The following TRAPPC8 variants were observed in gnomAD, a reference collection of about 807,000 sequenced individuals.
TRAPPC8 encodes the protein trafficking protein particle complex subunit 8, also known as general sporulation gene 1 homolog.
In TRAPPC8, 54 loss-of-function variants were observed where a neutral mutation model predicts 174.3. The observed-to-expected ratio is 0.31, with a 90% confidence interval of 0.25 to 0.39. The LOEUF is 0.39. Among genes scored for constraint, TRAPPC8 ranks in the 10% least tolerant of loss-of-function variants. TRAPPC8 has a pLI of 1.00. For synonymous variants in TRAPPC8, 630 were observed against 579.9 expected (o/e 1.09, Z -1.24); for missense variants, 1,531 against 1,699.1 (o/e 0.90, Z 1.74).
At chr18:31,893,837 C>T (rs1406194999) in intron 11 of TRAPPC8, among the ~76,000 whole-genome samples, 1 of 151,694 alleles carries the variant, frequency 6.6e-6, no homozygotes, top group East Asian at 1.9e-4. Context: ...CATACACACA[C>T]ACGAAAAAAT....
At chr18:31,875,419 T>A (rs2035095274) in intron 12 of TRAPPC8, among the ~76,000 whole-genome samples, 1 of 151,906 alleles carries the variant, frequency 6.6e-6, no homozygotes, top group African/African-American at 2.4e-5. Context: ...CCAGCCTGCC[T>A]GCCTGCCTGC....
chr18:31,905,218 A>G (rs143123178), intron 9 of TRAPPC8, among the ~76,000 whole-genome samples: 8 of 152,300 alleles, frequency 5.3e-5, no homozygotes, highest in South Asian at 4.1e-4. Context: ...AAGGGAAGTG[A>G]TATCAGTTCA....
At chr18:31,843,585 G>C (rs1194476807) in intron 26 of TRAPPC8, among the ~76,000 whole-genome samples, 1 of 152,180 alleles carries the variant, frequency 6.6e-6, no homozygotes, top group African/African-American at 2.4e-5. Context: ...GTATGACTGA[G>C]CCACTCATAT....
At position 31,857,650 on chromosome 18, in the gene TRAPPC8, G is replaced by A. The variant is rs61735999; in HGVS notation, c.3078C>T (p.Pro1026=). 12 of 1,613,968 alleles carry A rather than the reference G, an allele frequency of 7.4e-6. No individual in the cohort carries two copies. In the African/African-American group the frequency reaches 1.3e-4, roughly 18 times the overall value. The change falls in exon 20 of 29, where the codon CCC becomes CCT. Residue 1026 remains proline (P), a synonymous_variant. Transcript: ENST00000283351. ...ACATTGGCAGCTGCACTGAGGCTCC[G>A]GGTAGAAGAACAGTGTCAGGAAGGG... The part of the protein sequence containing the change: ...PVPLPDTVLL[P]GASVQLPMWL...
intron 9 of TRAPPC8, among the ~76,000 whole-genome samples, chr18:31,904,785 T>G (rs1419866327): frequency 6.6e-6 from 1 of 152,170 alleles, no homozygotes; most frequent in Admixed American, 6.5e-5. Context: ...ATTCTAGCAC[T>G]TTGGGAGGCT....
At chr18:31,893,201 AT>A (rs2036035114) in intron 11 of TRAPPC8, among the ~76,000 whole-genome samples, 1 of 152,058 alleles carries the variant, frequency 6.6e-6, no homozygotes, top group Non-Finnish European at 1.5e-5. Flanking sequence ...TGCTCTTAAT[AT>A]TGGTCCTTTG....
intron 18 of TRAPPC8, among the ~76,000 whole-genome samples, chr18:31,865,829 A>G (rs969638365): frequency 3.6e-4 from 54 of 151,360 alleles, no homozygotes; most frequent in African/African-American, 1.3e-3. Context: ...TAAATTATAT[A>G]AATTATAAAT....
intron 9 of TRAPPC8, among the ~76,000 whole-genome samples, chr18:31,901,830 G>A (rs2036440253): frequency 6.6e-6 from 1 of 152,224 alleles, no homozygotes. Context: ...AATGTTGTGT[G>A]GCAGTGTGAG....
intron 2 of TRAPPC8, among the ~76,000 whole-genome samples, chr18:31,922,053 G>C (rs1371383157): frequency 6.6e-6 from 1 of 152,040 alleles, no homozygotes; most frequent in Non-Finnish European, 1.5e-5. Flanking sequence ...AGTACTAAAA[G>C]AGTAACTGTA....
chr18:31,920,752 C>T (rs2037349341), intron 2 of TRAPPC8, among the ~76,000 whole-genome samples: 1 of 151,892 alleles, frequency 6.6e-6, no homozygotes. Flanking sequence ...TCAGCCTCGA[C>T]CAACATGGTA....
chr18:31,839,582 T>G, intron 26 of TRAPPC8, 125 bp from the exon 27 acceptor site: 1 of 830,944 alleles, frequency 1.2e-6, no homozygotes, highest in Non-Finnish European at 1.7e-6. Context: ...AACAGTACTT[T>G]TCTGCTGTTA....
chr18:31,901,720 T>C (rs2036435784), intron 9 of TRAPPC8, among the ~76,000 whole-genome samples: 1 of 152,216 alleles, frequency 6.6e-6, no homozygotes. Context: ...CTAAGATTTG[T>C]TTAGACCCCA....
chr18:31,898,155 A>G (rs1348674167), intron 10 of TRAPPC8, among the ~76,000 whole-genome samples: 1 of 152,162 alleles, frequency 6.6e-6, no homozygotes, highest in Non-Finnish European at 1.5e-5. Context: ...CAATGTAAAT[A>G]CTATGTAAAT....
chr18:31,876,945 CTT>C (rs1437136744), intron 12 of TRAPPC8, among the ~76,000 whole-genome samples: 1 of 152,176 alleles, frequency 6.6e-6, no homozygotes, highest in African/African-American at 2.4e-5. Flanking sequence ...AATCTCTGCT[CTT>C]GAGTCACCAC....
At chr18:31,848,025 C>T (rs2033500605) in intron 25 of TRAPPC8, among the ~76,000 whole-genome samples, 1 of 152,082 alleles carries the variant, frequency 6.6e-6, no homozygotes, top group Admixed American at 6.6e-5. Flanking sequence ...TACTCTACAA[C>T]TTTAATGACT....
At chr18:31,913,324 G>A in intron 5 of TRAPPC8, 45 bp downstream of exon 5, 1 of 1,520,926 alleles carries the variant, frequency 6.6e-7, no homozygotes. Context: ...CGTAAAAACT[G>A]AAGTATCGTT....
At position 31,942,440 on chromosome 18, in the gene TRAPPC8, G is replaced by T. The variant is rs979594389; in HGVS notation, c.157+168C>A. On this transcript the variant is annotated intron_variant, in intron 1 of 28. Transcript: ENST00000283351. ...GACTGCGCTGTCTTGACAACCTCACGGTCCCTCCTCCAGCCGCCCCCGGAG... is the reference window on the plus strand; with the variant it reads ...GACTGCGCTGTCTTGACAACCTCACTGTCCCTCCTCCAGCCGCCCCCGGAG... 1.6e-5 allele frequency: 13 copies of T among 817,018 alleles called. No individual in the cohort carries two copies. The East Asian group carries it at 4.2e-4, about 26-fold the overall frequency. 50.6% of individuals were successfully genotyped at this position (817,018 alleles called of 1,614,324 possible). A position where few individuals can be genotyped will look rare whatever the true frequency, so the allele number is the denominator to read the frequency against.
Position 31,909,735 on chromosome 18 carries a change from G to C in TRAPPC8, c.797C>G (p.Thr266Ser). Reference protein sequence around the residue: ...NQESYEDGPCTITSNKNSDNN... With the variant: ...NQESYEDGPCSITSNKNSDNN... ...ATCAGAATTCTTATTTGAAGTTATA[G>C]TACAAGGGCCATCTTCATATGATTC... Residue 266 changes from threonine to serine, a missense_variant, in exon 6 of 29, where the codon ACT becomes AGT. Physicochemically the swap from Thr to Ser is moderately conservative, Grantham distance 58. Coordinates refer to ENST00000283351, the MANE Select transcript of TRAPPC8 (RefSeq NM_014939.5). 2 of 1,596,188 alleles carry C rather than the reference G, an allele frequency of 1.3e-6. No individual in the cohort carries two copies. Among genetic ancestry groups the C allele is most frequent in the Non-Finnish European group, 1.7e-6 (2 of 1,174,208 alleles).
At chr18:31,920,911 A>T (rs1321493921) in intron 2 of TRAPPC8, among the ~76,000 whole-genome samples, 1 of 146,164 alleles carries the variant, frequency 6.8e-6, no homozygotes, top group Non-Finnish European at 1.5e-5. Flanking sequence ...ACTGCACTCC[A>T]GCCTGGGCAA....
Sources: allele counts gnomAD v4.1 joint callset (sites outside exome capture counted in the v4.1 genomes callset), GRCh38; gene constraint gnomAD v4.1.1; transcripts MANE v1.5; gene names NCBI Gene and HGNC (gene_info 2026-07-23, HGNC 2026-07-21).